Variants in MECOM observed in about 807,000 individuals in gnomAD.
MECOM encodes histone-lysine N-methyltransferase MECOM.
Under a neutral mutation model 116.3 loss-of-function variants are expected in MECOM, and 13 were observed. That is an observed-to-expected ratio of 0.11 (90% CI 0.07 to 0.18). MECOM has a LOEUF of 0.18. Ranked by LOEUF, MECOM falls within the 10% of genes least tolerant of loss-of-function variation. The pLI is 1.00. For missense variants in MECOM, 1,299 were observed against 1,509.0 expected, an observed-to-expected ratio of 0.86 and a Z score of 2.31; for synonymous variants, 528 against 535.2, an observed-to-expected ratio of 0.99 and a Z score of 0.19.
intron 1 of MECOM, among the ~76,000 whole-genome samples, chr3:169,449,631 A>G (rs1745223004): frequency 6.6e-6 from 1 of 152,168 alleles, no homozygotes; most frequent in South Asian, 2.1e-4. Flanking sequence ...TTCCCTCAGC[A>G]TTATTTCTTG....
intron 1 of MECOM, among the ~76,000 whole-genome samples, chr3:169,406,361 G>A (rs1235399079): frequency 6.6e-6 from 1 of 152,148 alleles, no homozygotes; most frequent in Non-Finnish European, 1.5e-5. Flanking sequence ...TGAATGCAGA[G>A]AGCCCCCAGG....
At chr3:169,426,402 A>T (rs1036143249) in intron 1 of MECOM, among the ~76,000 whole-genome samples, 1 of 152,160 alleles carries the variant, frequency 6.6e-6, no homozygotes, top group Non-Finnish European at 1.5e-5. Flanking sequence ...CAACTTCAAG[A>T]CGGTGGACAC....
intron 1 of MECOM, among the ~76,000 whole-genome samples, chr3:169,629,296 G>A (rs1771788141): frequency 6.6e-6 from 1 of 151,970 alleles, no homozygotes; most frequent in African/African-American, 2.4e-5. Context: ...ATACCATGCA[G>A]ACAATGTGGT....
intron 1 of MECOM, among the ~76,000 whole-genome samples, chr3:169,601,279 A>G (rs79128251): frequency 7.2e-5 from 11 of 152,244 alleles, no homozygotes; most frequent in African/African-American, 2.7e-4. Context: ...GAGTAGGTTA[A>G]GGCTTAAAAA....
chr3:169,281,287 G>C (rs1413780788), intron 2 of MECOM, among the ~76,000 whole-genome samples: 1 of 152,156 alleles, frequency 6.6e-6, no homozygotes, highest in African/African-American at 2.4e-5. Flanking sequence ...GTATCTCTGG[G>C]TGTAGAAATA....
chr3:169,245,741 C>T (rs1050812642), intron 2 of MECOM, among the ~76,000 whole-genome samples: 6 of 152,148 alleles, frequency 3.9e-5, no homozygotes, highest in East Asian at 3.9e-4. Flanking sequence ...TCAAATTCTA[C>T]GCAGTACAGA....
At chr3:169,501,284 T>C (rs888944367) in intron 1 of MECOM, among the ~76,000 whole-genome samples, 3 of 152,010 alleles carry the variant, frequency 2.0e-5, no homozygotes, top group South Asian at 2.1e-4. Flanking sequence ...CTAACAGACA[T>C]CCCATTTCCT....
chr3:169,324,153 T>A (rs1334724883), intron 2 of MECOM, among the ~76,000 whole-genome samples: 2 of 152,176 alleles, frequency 1.3e-5, no homozygotes, highest in African/African-American at 4.8e-5. Flanking sequence ...AGTGAGGAAC[T>A]AACATTCAGC....
intron 2 of MECOM, among the ~76,000 whole-genome samples, chr3:169,175,791 T>C (rs1316716946): frequency 6.6e-6 from 1 of 152,162 alleles, no homozygotes; most frequent in Non-Finnish European, 1.5e-5. Context: ...TCAATAATAA[T>C]TCCCTCTATG....
At chr3:169,297,482 T>A (rs2149707143) in intron 2 of MECOM, among the ~76,000 whole-genome samples, 1 of 152,136 alleles carries the variant, frequency 6.6e-6, no homozygotes, top group South Asian at 2.1e-4. Flanking sequence ...CAATTAAAAA[T>A]TCTATTGACC....
intron 1 of MECOM, among the ~76,000 whole-genome samples, chr3:169,486,021 T>A (rs1170558843): frequency 9.1e-5 from 12 of 131,798 alleles, no homozygotes; most frequent in African/African-American, 3.5e-4. Flanking sequence ...TATATATGTA[T>A]ATATAGTATA....
chr3:169,567,392 C>A (rs1209156099), intron 1 of MECOM, among the ~76,000 whole-genome samples: 3 of 152,200 alleles, frequency 2.0e-5, no homozygotes, highest in African/African-American at 7.2e-5. Flanking sequence ...TGGATTCCGA[C>A]TGAAGACTCT....
intron 3 of MECOM, among the ~76,000 whole-genome samples, chr3:169,132,884 G>A (rs1735198072): frequency 6.6e-6 from 1 of 151,402 alleles, no homozygotes; most frequent in Non-Finnish European, 1.5e-5. Flanking sequence ...CACCTGAGTA[G>A]CTGGGACTAC....
At chr3:169,442,019 A>T (rs940146406) in intron 1 of MECOM, among the ~76,000 whole-genome samples, 1 of 151,230 alleles carries the variant, frequency 6.6e-6, no homozygotes, top group Non-Finnish European at 1.5e-5. Flanking sequence ...TCCACCTCAC[A>T]GGTTTAAGCA....
At chr3:169,268,780 G>T (rs1344321176) in intron 2 of MECOM, among the ~76,000 whole-genome samples, 1 of 152,192 alleles carries the variant, frequency 6.6e-6, no homozygotes, top group Non-Finnish European at 1.5e-5. Flanking sequence ...CCAAGCAGCT[G>T]TATTTCCTAT....
chr3:169,531,299 C>A (rs1259134223), intron 1 of MECOM, among the ~76,000 whole-genome samples: 1 of 152,164 alleles, frequency 6.6e-6, no homozygotes, highest in Non-Finnish European at 1.5e-5. Context: ...CTCCTGATCT[C>A]TCTAGCATAA....
chr3:169,574,742 G>T (rs1361368093), intron 1 of MECOM, among the ~76,000 whole-genome samples: 2 of 152,080 alleles, frequency 1.3e-5, no homozygotes, highest in Non-Finnish European at 2.9e-5. Flanking sequence ...AGTTGAATTA[G>T]GGAGAACGGA....
intron 1 of MECOM, among the ~76,000 whole-genome samples, chr3:169,441,672 G>A (rs1020866123): frequency 1.3e-5 from 2 of 151,722 alleles, no homozygotes; most frequent in African/African-American, 4.8e-5. Context: ...TTGGCAGATG[G>A]GAATATCAGA....
intron 2 of MECOM, among the ~76,000 whole-genome samples, chr3:169,336,886 A>G (rs750780669): frequency 1.3e-5 from 2 of 152,172 alleles, no homozygotes; most frequent in Non-Finnish European, 2.9e-5. Context: ...AAAAGGCTTG[A>G]TGAACATTAC....
Sources: gnomAD v4.1 joint callset for allele counts (sites outside exome capture counted in the v4.1 genomes callset) on GRCh38, gnomAD v4.1.1 for gene constraint, MANE v1.5 for transcripts, NCBI Gene and HGNC (gene_info 2026-07-23, HGNC 2026-07-21) for gene names.